GABPB2: variants seen among roughly 807,000 people sequenced by gnomAD.
GABPB2 encodes GA-binding protein subunit beta-2.
Under a neutral mutation model 39.1 loss-of-function variants are expected in GABPB2, and 23 were observed. The observed-to-expected ratio is 0.59, with a 90% confidence interval of 0.42 to 0.83. The LOEUF is 0.83. GABPB2 is among the 40% of genes least tolerant of loss of function. GABPB2 has a pLI of 0.00. For synonymous variants in GABPB2, 184 were observed against 199.3 expected, an observed-to-expected ratio of 0.92 and a Z score of 0.65; for missense variants, 467 against 541.1, an observed-to-expected ratio of 0.86 and a Z score of 1.36.
At position 151,118,060 on chromosome 1, in the gene GABPB2, A is replaced by G; in HGVS notation, c.1151A>G (p.Gln384Arg). 6.2e-7 allele frequency: 1 copy of G among 1,614,212 alleles called. No individual in the cohort carries two copies. Among genetic ancestry groups the G allele is most frequent in the Non-Finnish European group, 8.5e-7 (1 of 1,180,032 alleles). The change falls in exon 9 of 9, where the codon CAG (glutamine) becomes CGG (arginine). Residue 384 changes from glutamine (Q) to arginine (R), a missense_variant. By Grantham distance (43) the Gln-to-Arg change is conservative (BLOSUM62 1). Transcript: ENST00000368918. ...QLLKKEQEAE[Q>R]YRLKLEAIAR... is the part of the protein sequence containing the mutation. ...CTAAAGAAAGAGCAGGAAGCAGAAC[A>G]GTACCGTCTTAAGCTGGAGGCCATA...
At chr1:151,100,230 C>T (rs973311846) in intron 5 of GABPB2, among the ~76,000 whole-genome samples, 3 of 151,538 alleles carry the variant, frequency 2.0e-5, no homozygotes, top group Non-Finnish European at 4.4e-5. Flanking sequence ...CTGCAACCTC[C>T]GCCTCCTGGG....
chr1:151,117,834 T>C, intron 8 of GABPB2, 123 bp from the exon 9 acceptor site: 2 of 958,612 alleles, frequency 2.1e-6, no homozygotes, highest in Non-Finnish European at 3.2e-6. Context: ...TCTGCCTACC[T>C]CTGCCTCCCA....
At chr1:151,091,488 A>G (rs1409814361) in intron 3 of GABPB2, among the ~76,000 whole-genome samples, 2 of 149,522 alleles carry the variant, frequency 1.3e-5, no homozygotes, top group African/African-American at 4.9e-5. Flanking sequence ...AAAAAAAAAA[A>G]AAAAAAGATG....
At chr1:151,083,767 A>C (rs12090912) in intron 1 of GABPB2, among the ~76,000 whole-genome samples, 1 of 150,584 alleles carries the variant, frequency 6.6e-6, no homozygotes, top group Non-Finnish European at 1.5e-5. Flanking sequence ...TTTGAGATGG[A>C]GTCTTGCTGT....
chr1:151,078,027 T>G (rs12039522), intron 1 of GABPB2, among the ~76,000 whole-genome samples: 87,608 of 150,602 alleles, frequency 0.58, 28,838 homozygotes, highest in East Asian at 0.89. Context: ...TCCCAGCACT[T>G]TGGGAGGCTG....
intron 7 of GABPB2, chr1:151,112,248 C>G (rs1044631846): frequency 3.5e-5 from 3 of 86,878 alleles, no homozygotes; most frequent in African/African-American, 8.3e-5. Flanking sequence ...AAAAAAAAAA[C>G]CTATATCCTT....
intron 7 of GABPB2, among the ~76,000 whole-genome samples, chr1:151,109,364 A>ATATATATATATATATATT (rs779537595): frequency 1.8e-5 from 2 of 112,394 alleles, no homozygotes; most frequent in African/African-American, 6.8e-5. Context: ...ATATATATAT[A>ATATATATATATATATATT]TTTTTTTTTT....
Position 151,074,503 on chromosome 1 carries a change from T to C in GABPB2, c.-1+3569T>C, listed in dbSNP as rs587673981. On this transcript the variant is annotated intron_variant, in intron 1 of 8. Transcript: ENST00000368918. ...TTTTTTTTTTTTTTTGTATTTTTAG[T>C]AGAGACGGGGTTTCACCACGTTAGC... Among the ~76,000 whole-genome samples, 3 of 145,650 alleles carry C rather than the reference T, an allele frequency of 2.1e-5. No individual in the cohort carries two copies. In the East Asian group the frequency reaches 6.3e-4, roughly 30 times the overall value.
At position 151,121,097 on chromosome 1, in the gene GABPB2, T is replaced by C. The variant is rs1463501517; in HGVS notation, c.*2841T>C. On this transcript the variant is annotated 3_prime_UTR_variant, in exon 9 of 9. Transcript: ENST00000368918. ...ATAAAACTTTGTTGAATTTTCTAAG[T>C]GTCATTTAGGACATATTGTGCTTTT... 1 of 152,196 alleles carries C rather than the reference T, an allele frequency of 6.6e-6. No individual in the cohort carries two copies. 9.4% of individuals were successfully genotyped at this position (152,196 alleles called of 1,614,324 possible).
intron 7 of GABPB2, among the ~76,000 whole-genome samples, chr1:151,109,342 A>C (rs1298063530): frequency 5.0e-5 from 2 of 39,748 alleles, no homozygotes; most frequent in African/African-American, 1.5e-4. Context: ...ATATATACAC[A>C]AATATATATA....
chr1:151,122,177 T>C lies in GABPB2; in HGVS notation c.*3921T>C, dbSNP rs915952173. ...GAGATTTATAGGCAAAAATATCAGT[T>C]TGGAAATTAACCTTGGCTACTGGCC... On this transcript the variant is annotated 3_prime_UTR_variant, in exon 9 of 9. Transcript: ENST00000368918. 3 of 152,128 alleles carry C rather than the reference T, an allele frequency of 2.0e-5. No individual in the cohort carries two copies. The highest frequency in any genetic ancestry group is 7.2e-5 in the African/African-American group (3 of 41,422). 9.4% of individuals were successfully genotyped at this position (152,128 alleles called of 1,614,324 possible). A position where few individuals can be genotyped will look rare whatever the true frequency, so the allele number is the denominator to read the frequency against.
Position 151,090,440 on chromosome 1 carries a change from A to G in GABPB2, c.143A>G (p.Tyr48Cys), listed in dbSNP as rs181229955. ...GTSPLHLAAQ[Y>C]GHYSTAEVLL... ...TCACCCCTCCACCTTGCAGCTCAAT[A>G]TGGTCATTATTCCACAGCAGAAGTA... Residue 48 changes from tyrosine to cysteine, a missense_variant, in exon 3 of 9, where the codon TAT (tyrosine) becomes TGT (cysteine). Coordinates refer to ENST00000368918, the MANE Select transcript of GABPB2 (RefSeq NM_144618.3). The G allele has an allele frequency of 2.5e-6, 4 of 1,613,952 alleles. No homozygotes were observed. The Admixed American group carries it at 5.0e-5, about 20-fold the overall frequency.
intron 4 of GABPB2, among the ~76,000 whole-genome samples, chr1:151,096,575 T>C (rs1679115648): frequency 6.6e-6 from 1 of 152,162 alleles, no homozygotes; most frequent in South Asian, 2.1e-4. Flanking sequence ...AACTGGACTT[T>C]TTAAAGTAGT....
At chr1:151,074,379 C>T (rs1364361181) in intron 1 of GABPB2, among the ~76,000 whole-genome samples, 4 of 150,082 alleles carry the variant, frequency 2.7e-5, no homozygotes, top group South Asian at 2.1e-4. Flanking sequence ...GGCGTGATCA[C>T]GGCTCACTGC....
At chr1:151,073,920 A>AG (rs1676933650) in intron 1 of GABPB2, among the ~76,000 whole-genome samples, 2 of 151,948 alleles carry the variant, frequency 1.3e-5, no homozygotes, top group African/African-American at 4.8e-5. Flanking sequence ...CTCTGGCTAA[A>AG]AAAGAAAGTA....
At position 151,122,704 on chromosome 1, in the gene GABPB2, C is replaced by A. The variant is rs796472987; in HGVS notation, c.*4448C>A. On this transcript the variant is annotated 3_prime_UTR_variant, in exon 9 of 9. Coordinates refer to ENST00000368918, the MANE Select transcript of GABPB2 (RefSeq NM_144618.3). ...CAGTCACCACTTTTTTGGGGGAATT[C>A]TTTAGCAGATCTTATTGTTCTTTCT... 2.0e-5 allele frequency: 3 copies of A among 152,104 alleles called. No homozygotes were observed. The highest frequency in any genetic ancestry group is 7.2e-5 in the African/African-American group (3 of 41,516). The allele number at this position is 152,104 out of a possible 1,614,324, so 9.4% of individuals were successfully genotyped here.
chr1:151,097,805 A>C (rs962183245), intron 4 of GABPB2, 47 bp from the exon 5 acceptor site: 2 of 1,552,212 alleles, frequency 1.3e-6, no homozygotes, highest in African/African-American at 2.8e-5. Flanking sequence ...GACAGAAAAG[A>C]AAAGCTAATA....
At chr1:151,101,400 C>T (rs1679511491) in intron 5 of GABPB2, among the ~76,000 whole-genome samples, 1 of 151,876 alleles carries the variant, frequency 6.6e-6, no homozygotes, top group African/African-American at 2.4e-5. Flanking sequence ...CATGGTGAAA[C>T]CCCGTCTTAC....
intron 7 of GABPB2, among the ~76,000 whole-genome samples, chr1:151,109,364 AT>A (rs56324886): frequency 1.8e-5 from 2 of 112,374 alleles, no homozygotes; most frequent in African/African-American, 6.7e-5. Context: ...ATATATATAT[AT>A]TTTTTTTTTT....
Sources: allele counts gnomAD v4.1 joint callset (sites outside exome capture counted in the v4.1 genomes callset), GRCh38; gene constraint gnomAD v4.1.1; transcripts MANE v1.5; gene names NCBI Gene and HGNC (gene_info 2026-07-23, HGNC 2026-07-21).